CKLF: variants seen among roughly 807,000 people sequenced by gnomAD.
CKLF encodes chemokine-like factor.
In CKLF, 16 loss-of-function variants were observed where a neutral mutation model predicts 12.9. The ratio of observed to expected loss-of-function variants is 1.24; its 90% CI spans 0.84 to 1.88. The LOEUF (loss-of-function observed/expected upper bound fraction) is 1.88. Among genes scored for constraint, CKLF ranks in the 40% most tolerant of loss-of-function variants. The pLI is 0.00. For missense variants in CKLF, 172 were observed against 188.5 expected, an observed-to-expected ratio of 0.91 and a Z score of 0.51; for synonymous variants, 61 against 69.0, an observed-to-expected ratio of 0.88 and a Z score of 0.57.
At chr16:66,564,458 CTTAT>C (rs1172693193) in intron 3 of CKLF, among the ~76,000 whole-genome samples, 1 of 150,932 alleles carries the variant, frequency 6.6e-6, no homozygotes, top group Non-Finnish European at 1.5e-5. Flanking sequence ...AAATCTATGA[CTTAT>C]TTTTTTCTTT....
intron 1 of CKLF, among the ~76,000 whole-genome samples, chr16:66,555,294 A>G (rs1005200739): frequency 6.6e-6 from 1 of 152,206 alleles, no homozygotes; most frequent in Non-Finnish European, 1.5e-5. Context: ...AGGGAAGGAC[A>G]GAAGGGGATT....
At chr16:66,552,823 T>G (rs2144510694) in intron 1 of CKLF, 30 bp downstream of exon 1, 1 of 1,613,670 alleles carries the variant, frequency 6.2e-7, no homozygotes, top group East Asian at 2.2e-5. Context: ...GGCGGGAGGC[T>G]GATGAAGCTG....
At chr16:66,563,290 A>G in intron 3 of CKLF, 73 bp downstream of exon 3, 2 of 1,552,478 alleles carry the variant, frequency 1.3e-6, no homozygotes, top group Non-Finnish European at 1.8e-6. Context: ...AACAGATGTA[A>G]GAATAGAAAG....
rs1965845828 is a variant in CKLF at position 66,552,586 on chromosome 16, C to G, written c.-130C>G. 6 of 1,440,452 alleles carry G rather than the reference C, an allele frequency of 4.2e-6. No homozygotes were observed. In the South Asian group the frequency reaches 7.5e-5, roughly 18 times the overall value. The allele number at this position is 1,440,452 out of a possible 1,614,324, so 89.2% of individuals were successfully genotyped here. A position where few individuals can be genotyped will look rare whatever the true frequency, so the allele number is the denominator to read the frequency against. ...GCATGCGCGCAAGAGAGCGGGAAGCCGAGCTGGGCGAGAAGTAGGGGAGGG... is the reference window on the plus strand; with the variant it reads ...GCATGCGCGCAAGAGAGCGGGAAGCGGAGCTGGGCGAGAAGTAGGGGAGGG... On this transcript the variant is annotated 5_prime_UTR_variant, in exon 1 of 4. Transcript: ENST00000264001.
intron 1 of CKLF, among the ~76,000 whole-genome samples, chr16:66,556,142 GAGA>G (rs2011442470): frequency 6.6e-6 from 1 of 152,098 alleles, no homozygotes; most frequent in Non-Finnish European, 1.5e-5. Flanking sequence ...AGAATAAAAG[GAGA>G]AGAACCCACC....
chr16:66,562,569 A>G (rs909269615), intron 2 of CKLF, among the ~76,000 whole-genome samples: 1 of 152,228 alleles, frequency 6.6e-6, no homozygotes, highest in African/African-American at 2.4e-5. Flanking sequence ...TTTTAAGTAA[A>G]TGATTGGCAT....
At chr16:66,552,854 G>A in intron 1 of CKLF, 61 bp downstream of exon 1, 1 of 1,611,640 alleles carries the variant, frequency 6.2e-7, no homozygotes, top group South Asian at 1.1e-5. Flanking sequence ...GGAGATGTGG[G>A]TGTGAAGTGC....
At chr16:66,565,767 AG>A (rs763989140) in intron 3 of CKLF, 118 bp from the exon 4 acceptor site, 13 of 856,518 alleles carry the variant, frequency 1.5e-5, no homozygotes, top group Non-Finnish European at 2.5e-5. Context: ...GATGAAGCAC[AG>A]GGAGCAATCC....
intron 1 of CKLF, among the ~76,000 whole-genome samples, chr16:66,554,218 G>T (rs1310079475): frequency 6.6e-6 from 1 of 152,204 alleles, no homozygotes; most frequent in Non-Finnish European, 1.5e-5. Context: ...CTGACTCATG[G>T]AGTTCTTCAG....
chr16:66,563,126 T>C lies in CKLF; in HGVS notation c.242T>C (p.Ile81Thr). Residue 81 changes from isoleucine to threonine, a missense_variant, in exon 3 of 4, where the codon ATT becomes ACT. By Grantham distance (89) the Ile-to-Thr change is moderately conservative. Transcript: ENST00000264001. ...MKWLFWPLLD[I>T]INSLVTTVFM... Reference sequence around the variant, plus strand: ...AGCTTTATTGTGTGTTTTTAGGATATTATCAACTCACTGGTAACAACAGTA... The same window carrying C: ...AGCTTTATTGTGTGTTTTTAGGATACTATCAACTCACTGGTAACAACAGTA... 1 of 1,614,144 alleles carries C rather than the reference T, an allele frequency of 6.2e-7. No individual in the cohort carries two copies. The highest frequency in any genetic ancestry group is 8.5e-7 in the Non-Finnish European group (1 of 1,180,026).
rs111551184 is a variant in CKLF at position 66,558,447 on chromosome 16, T to C, written c.237+99T>C. On this transcript the variant is annotated intron_variant, in intron 2 of 3. Coordinates refer to ENST00000264001, the MANE Select transcript of CKLF (RefSeq NM_016951.4). ...TGCTTCTCTTAAACCTTTAAGGTAA[T>C]CTCTGTTAGGCTTAGGAAGGAGGAG... is the stretch of plus-strand genomic sequence containing the variant. 9.0e-5 allele frequency: 133 copies of C among 1,482,140 alleles called. No individual in the cohort carries two copies. The African/African-American group carries it at 1.4e-3, about 15-fold the overall frequency. 91.8% of individuals were successfully genotyped at this position (1,482,140 alleles called of 1,614,324 possible).
At chr16:66,560,455 G>A (rs528234186) in intron 2 of CKLF, among the ~76,000 whole-genome samples, 1 of 152,214 alleles carries the variant, frequency 6.6e-6, no homozygotes, top group African/African-American at 2.4e-5. Flanking sequence ...TTAAGGAAGG[G>A]TGCAGGAGAG....
At chr16:66,560,852 C>G (rs2144544255) in intron 2 of CKLF, among the ~76,000 whole-genome samples, 1 of 152,104 alleles carries the variant, frequency 6.6e-6, no homozygotes, top group South Asian at 2.1e-4. Context: ...CTCTCTCTCT[C>G]TGCCCCCTGG....
chr16:66,560,798 T>TAC (rs58084691), intron 2 of CKLF, among the ~76,000 whole-genome samples: 18,500 of 143,560 alleles, frequency 0.13, 1,264 homozygotes, highest in African/African-American at 0.2. Flanking sequence ...AAGATAAGTA[T>TAC]ACACACACAC....
intron 1 of CKLF, among the ~76,000 whole-genome samples, chr16:66,557,050 ATGT>A (rs1040046895): frequency 1.3e-5 from 2 of 152,008 alleles, no homozygotes; most frequent in Non-Finnish European, 2.9e-5. Flanking sequence ...AGAGTTTTTT[ATGT>A]TTTTTTTTCC....
In CKLF at chr16:66,565,165, G is replaced by C. The variant is rs2012129797; in HGVS notation, c.334-721G>C. ...GAGACTCTGGGTGGAAAAGGAGACT[G>C]TGAGAGCCATGTCTGGAGCCAGGAA... On this transcript the variant is annotated intron_variant, in intron 3 of 3. Transcript: ENST00000264001. Among the ~76,000 whole-genome samples the C allele has an allele frequency of 2.0e-5, 3 of 152,256 alleles. No homozygotes were observed. In the East Asian group the frequency reaches 5.8e-4, roughly 29 times the overall value.
At chr16:66,553,980 T>C (rs961392743) in intron 1 of CKLF, among the ~76,000 whole-genome samples, 1 of 152,140 alleles carries the variant, frequency 6.6e-6, no homozygotes, top group Non-Finnish European at 1.5e-5. Context: ...GAAATAACTT[T>C]TGATTGGGAG....
At chr16:66,562,345 C>T (rs1407288162) in intron 2 of CKLF, among the ~76,000 whole-genome samples, 2 of 152,150 alleles carry the variant, frequency 1.3e-5, no homozygotes, top group Non-Finnish European at 2.9e-5. Context: ...TGCACCACAG[C>T]GCCCAGCATT....
Position 66,565,997 on chromosome 16 carries a change from AAAG to A in CKLF, c.449_451del (p.Glu150del), listed in dbSNP as rs752594509. ...CCAGAAAAAGCCTGTGCATGAAAAA[AAAG>A]AAGTTTTGTAATTTTATATTACTTT... On this transcript the variant is annotated inframe_deletion, in exon 4 of 4. Coordinates refer to ENST00000264001, the MANE Select transcript of CKLF (RefSeq NM_016951.4). The A allele has an allele frequency of 1.5e-5, 24 of 1,611,678 alleles. No individual in the cohort carries two copies. The highest frequency in any genetic ancestry group is 6.7e-5 in the Admixed American group (4 of 59,904).
Sources: gnomAD v4.1 joint callset for allele counts (sites outside exome capture counted in the v4.1 genomes callset) on GRCh38, gnomAD v4.1.1 for gene constraint, MANE v1.5 for transcripts, NCBI Gene and HGNC (gene_info 2026-07-23, HGNC 2026-07-21) for gene names.